The following DOCK9 variants were observed in gnomAD, a reference collection of about 807,000 sequenced individuals.
DOCK9 encodes the protein dedicator of cytokinesis 9, also known as dedicator of cytokinesis protein 9.
In DOCK9, 89 loss-of-function variants were observed where a neutral mutation model predicts 263.3. The ratio of observed to expected loss-of-function variants is 0.34; its 90% CI spans 0.28 to 0.40. The LOEUF is 0.40. Among genes scored for constraint, DOCK9 ranks in the 10% least tolerant of loss-of-function variants. The pLI is 1.00. For missense variants in DOCK9, 2,140 were observed against 2,603.4 expected (o/e 0.82, Z 3.87); for synonymous variants, 976 against 973.1 (o/e 1.00, Z -0.06).
chr13:99,071,435 T>C (rs2041675698), intron 1 of DOCK9, among the ~76,000 whole-genome samples: 3 of 151,324 alleles, frequency 2.0e-5, no homozygotes, highest in African/African-American at 4.9e-5. Context: ...TGTGCCCTGC[T>C]ATTACACTCT....
At chr13:98,987,025 T>C (rs1878623346) in intron 1 of DOCK9, among the ~76,000 whole-genome samples, 1 of 152,078 alleles carries the variant, frequency 6.6e-6, no homozygotes, top group Non-Finnish European at 1.5e-5. Context: ...AGCAGCTTTA[T>C]TAAAAGACCA....
At chr13:99,012,915 T>A (rs1056817047) in intron 1 of DOCK9, among the ~76,000 whole-genome samples, 25 of 152,112 alleles carry the variant, frequency 1.6e-4, no homozygotes, top group African/African-American at 6.0e-4. Flanking sequence ...AAACACACAT[T>A]TTGGCTTTAG....
chr13:98,952,630 A>G (rs2057574594), intron 2 of DOCK9, among the ~76,000 whole-genome samples: 1 of 152,228 alleles, frequency 6.6e-6, no homozygotes, highest in African/African-American at 2.4e-5. Context: ...AGGCAACTAC[A>G]TGCAACCCGC....
chr13:98,842,486 C>T (rs894740481), intron 38 of DOCK9, among the ~76,000 whole-genome samples: 4 of 152,144 alleles, frequency 2.6e-5, no homozygotes, highest in African/African-American at 7.2e-5. Context: ...CTGCATTATA[C>T]CAGTGGAAAA....
At chr13:98,843,360 A>G (rs146414783) in intron 38 of DOCK9, among the ~76,000 whole-genome samples, 27 of 152,276 alleles carry the variant, frequency 1.8e-4, no homozygotes, top group Admixed American at 1.2e-3. Flanking sequence ...ACATGTACAT[A>G]TATATAAAAC....
At chr13:98,963,602 T>C (rs2058893850) in intron 1 of DOCK9, among the ~76,000 whole-genome samples, 2 of 152,218 alleles carry the variant, frequency 1.3e-5, no homozygotes, top group African/African-American at 2.4e-5. Context: ...CTTCTTGAAA[T>C]AGCAAACTAA....
chr13:98,798,297 C>T (rs772301), intron 50 of DOCK9, among the ~76,000 whole-genome samples: 117,049 of 152,014 alleles, frequency 0.77, 45,458 homozygotes, highest in Non-Finnish European at 0.83. Flanking sequence ...AGGGGAGCTC[C>T]CCGTGTGTGG....
At chr13:98,822,392 C>T (rs1165237595) in intron 45 of DOCK9, among the ~76,000 whole-genome samples, 1 of 152,230 alleles carries the variant, frequency 6.6e-6, no homozygotes, top group Non-Finnish European at 1.5e-5. Flanking sequence ...TTCATTTTAT[C>T]AGCTCTGCAG....
Position 98,831,315 on chromosome 13 carries a change from T to C in DOCK9, c.4635+33A>G, listed in dbSNP as rs367730323. The C allele has an allele frequency of 3.4e-3, 5,273 of 1,573,158 alleles. 20 individuals are homozygous for C. Among genetic ancestry groups the C allele is most frequent in the Non-Finnish European group, 3.9e-3 (4,508 of 1,155,996 alleles). On this transcript the variant is annotated intron_variant, in intron 41 of 52. Transcript: ENST00000682017. ...CCTGATACAGCAGGATTCTACAGAGTAAATCTGTATTGGAAAGCTAAACCA... is the reference window on the plus strand; with the variant it reads ...CCTGATACAGCAGGATTCTACAGAGCAAATCTGTATTGGAAAGCTAAACCA...
intron 9 of DOCK9, among the ~76,000 whole-genome samples, chr13:98,906,719 C>T (rs529190486): frequency 4.9e-4 from 75 of 152,208 alleles, no homozygotes; most frequent in Admixed American, 4.3e-3. Context: ...CTTAGCCATA[C>T]GATTGTTGTA....
At chr13:98,941,596 A>C (rs2055861629) in intron 2 of DOCK9, among the ~76,000 whole-genome samples, 1 of 152,206 alleles carries the variant, frequency 6.6e-6, no homozygotes, top group African/African-American at 2.4e-5. Flanking sequence ...TTGGTCTTAC[A>C]AAGAAGCAAT....
chr13:98,955,610 A>C lies in DOCK9; in HGVS notation c.127-59T>G, dbSNP rs1308164740. On this transcript the variant is annotated intron_variant, in intron 1 of 52. Coordinates refer to ENST00000682017, the MANE Select transcript of DOCK9 (RefSeq NM_001366683.2). Reference sequence around the variant, plus strand: ...TACACAAATGCCATTTCTTAAGATAAAGAACTTAGTATGTTCTACTCTATG... The same window carrying C: ...TACACAAATGCCATTTCTTAAGATACAGAACTTAGTATGTTCTACTCTATG... The C allele has an allele frequency of 2.2e-5, 26 of 1,184,902 alleles. No individual in the cohort carries two copies. In the Admixed American group the frequency reaches 5.0e-4, roughly 23 times the overall value. The allele number at this position is 1,184,902 out of a possible 1,614,324, so 73.4% of individuals were successfully genotyped here.
intron 27 of DOCK9, among the ~76,000 whole-genome samples, chr13:98,878,866 G>A (rs1212578996): frequency 1.3e-5 from 2 of 152,182 alleles, no homozygotes; most frequent in Non-Finnish European, 2.9e-5. Context: ...TCCTCGGAGA[G>A]CCCAGATCCC....
chr13:99,038,456 C>G (rs1347394566), intron 1 of DOCK9, among the ~76,000 whole-genome samples: 1 of 151,724 alleles, frequency 6.6e-6, no homozygotes, highest in Non-Finnish European at 1.5e-5. Flanking sequence ...AGGCACCCAC[C>G]ACCACGCCCG....
intron 1 of DOCK9, among the ~76,000 whole-genome samples, chr13:99,062,144 T>C (rs2041221644): frequency 6.6e-6 from 1 of 152,114 alleles, no homozygotes; most frequent in African/African-American, 2.4e-5. Context: ...AATGCTGGAA[T>C]TGCAGGCATG....
At chr13:98,961,313 C>T (rs1314421896) in intron 1 of DOCK9, among the ~76,000 whole-genome samples, 1 of 152,198 alleles carries the variant, frequency 6.6e-6, no homozygotes, top group Non-Finnish European at 1.5e-5. Context: ...CGGGGGCCCG[C>T]CCAGCAAAGA....
intron 27 of DOCK9, among the ~76,000 whole-genome samples, chr13:98,874,347 A>G (rs1479070962): frequency 6.6e-6 from 1 of 152,178 alleles, no homozygotes; most frequent in Non-Finnish European, 1.5e-5. Flanking sequence ...ACTAAGTAGC[A>G]TTCTATTGTG....
At chr13:99,004,802 C>T (rs1465501862) in intron 1 of DOCK9, among the ~76,000 whole-genome samples, 4 of 151,842 alleles carry the variant, frequency 2.6e-5, no homozygotes, top group Non-Finnish European at 4.4e-5. Context: ...CACACACACA[C>T]ACACACACAC....
chr13:98,979,230 A>AGTG (rs1469428296), upstream of DOCK9, among the ~76,000 whole-genome samples: 6 of 116,102 alleles, frequency 5.2e-5, no homozygotes, highest in African/African-American at 1.0e-4. Context: ...TAGTAGTAGT[A>AGTG]GCAGCAGCGG....
Sources: allele counts gnomAD v4.1 joint callset (sites outside exome capture counted in the v4.1 genomes callset), GRCh38; gene constraint gnomAD v4.1.1; transcripts MANE v1.5; gene names NCBI Gene and HGNC (gene_info 2026-07-23, HGNC 2026-07-21).